Variants in CACNG7 observed in about 807,000 individuals in gnomAD.
The protein encoded by CACNG7 is voltage-dependent calcium channel gamma-7 subunit.
Under a neutral mutation model 26.3 loss-of-function variants are expected in CACNG7, and 9 were observed. The observed-to-expected ratio is 0.34, with a 90% CI of 0.21 to 0.60. CACNG7 has a LOEUF of 0.60. CACNG7 is among the 20% of genes least tolerant of loss of function. The pLI, the probability that CACNG7 is intolerant of heterozygous loss-of-function variation, is 0.81. For missense variants in CACNG7, 297 were observed against 380.4 expected (o/e 0.78, Z 1.82); for synonymous variants, 170 against 157.0 (o/e 1.08, Z -0.62).
At chr19:53,916,523 T>C (rs1464815126) in intron 4 of CACNG7, among the ~76,000 whole-genome samples, 1 of 147,012 alleles carries the variant, frequency 6.8e-6, no homozygotes, top group African/African-American at 2.5e-5. Context: ...AGTTTTGCTC[T>C]TGTTGCCCAG....
At chr19:53,914,273 C>CAAAAAAAAAAAAAAAAA in intron 2 of CACNG7, among the ~76,000 whole-genome samples, 1 of 107,288 alleles carries the variant, frequency 9.3e-6, no homozygotes, top group African/African-American at 4.5e-5. Flanking sequence ...GACTCCATCT[C>CAAAAAAAAAAAAAAAAA]AAAAAAAAAA....
chr19:53,915,655 A>T (rs1009795555), intron 4 of CACNG7, 150 bp downstream of exon 4: 2 of 897,446 alleles, frequency 2.2e-6, no homozygotes, highest in Non-Finnish European at 3.4e-6. Context: ...TGCAATGGAA[A>T]TAGCAGTGCC....
chr19:53,919,560 C>G lies in CACNG7; in HGVS notation c.424+4055C>G, dbSNP rs561324672. Among the ~76,000 whole-genome samples, 2 of 142,570 alleles carry G rather than the reference C, an allele frequency of 1.4e-5. 1 individual carries two copies. The highest frequency in any genetic ancestry group is 4.4e-4 in the South Asian group (2 of 4,512). 93.5% of individuals were successfully genotyped at this position (142,570 alleles called of 152,430 possible). On this transcript the variant is annotated intron_variant, in intron 4 of 5. Transcript: ENST00000391767. ...AGGTCTGGTCATTGGTGGAGTTGCC[C>G]CAGGCTGGTCATTGGTGGACTTGCC...
intron 4 of CACNG7, among the ~76,000 whole-genome samples, chr19:53,921,605 GT>G (rs780349012): frequency 2.0e-3 from 149 of 76,206 alleles, no homozygotes; most frequent in South Asian, 2.4e-3. Flanking sequence ...TGGTGGAGTC[GT>G]CCCCAGGTCT....
rs2068846781 is a variant in CACNG7 at position 53,909,282 on chromosome 19, G to C, written c.-265G>C. 6.7e-6 allele frequency: 1 copy of C among 150,228 alleles called. No homozygotes were observed. Among genetic ancestry groups the C allele is most frequent in the Admixed American group, 6.6e-5 (1 of 15,162 alleles). 9.3% of individuals were successfully genotyped at this position (150,228 alleles called of 1,614,324 possible). ...CCCGCCCCTCCCCTCCTCCGCAGTAGCCAATGAGCGGCCGCCGGTTCCTGC... is the reference window on the plus strand; with the variant it reads ...CCCGCCCCTCCCCTCCTCCGCAGTACCCAATGAGCGGCCGCCGGTTCCTGC... On this transcript the variant is annotated 5_prime_UTR_variant, in exon 1 of 6. Coordinates refer to ENST00000391767, the MANE Select transcript of CACNG7 (RefSeq NM_031896.5). The surrounding 1 kb of genome is among the most constrained non-coding windows in gnomAD (Gnocchi z 5.1).
At chr19:53,925,977 C>A (rs1256847112) in intron 4 of CACNG7, among the ~76,000 whole-genome samples, 1 of 152,130 alleles carries the variant, frequency 6.6e-6, no homozygotes. Flanking sequence ...CATGTGCATG[C>A]CTGTCCCACA....
chr19:53,941,651 A>ATGGAGAGAGGTCT, intron 5 of CACNG7, 36 bp downstream of exon 5: 2 of 1,597,134 alleles, frequency 1.3e-6, no homozygotes, highest in Non-Finnish European at 1.7e-6. Flanking sequence ...AGAGTTCTGA[A>ATGGAGAGAGGTCT]TGGAGAGAGG....
intron 4 of CACNG7, among the ~76,000 whole-genome samples, chr19:53,924,146 CCCCAGGTCTGGTCATTGGTGGAGTTGGT>C (rs2068998153): frequency 6.4e-5 from 9 of 141,416 alleles, no homozygotes; most frequent in Admixed American, 4.2e-4. Context: ...GGTGGACTTG[CCCCAGGTCTGGTCATTGGTGGAGTTGGT>C]CCCAGGTCTG....
intron 4 of CACNG7, among the ~76,000 whole-genome samples, chr19:53,930,401 C>T (rs1002187006): frequency 6.6e-6 from 1 of 152,062 alleles, no homozygotes; most frequent in Non-Finnish European, 1.5e-5. Context: ...GAGACGGAGT[C>T]TCACTCTTTT....
intron 4 of CACNG7, among the ~76,000 whole-genome samples, chr19:53,916,623 G>T (rs1408329503): frequency 7.3e-5 from 11 of 150,340 alleles, no homozygotes; most frequent in African/African-American, 2.7e-4. Flanking sequence ...CAAGTAGCTG[G>T]GATTACAGGC....
At position 53,920,838 on chromosome 19, in the gene CACNG7, GC is replaced by G. The variant is rs1478314158; in HGVS notation, c.424+5335del. On this transcript the variant is annotated intron_variant, in intron 4 of 5. Transcript: ENST00000391767. ...TGGTCATTGGTGGAGTTGTCCCCAG[GC>G]CTGGTATTGGTGGAGTTGCCCCAGG... 8.9e-5 allele frequency among the ~76,000 whole-genome samples: 7 copies of G among 78,808 alleles called. 2 individuals carry two copies. The highest frequency in any genetic ancestry group is 1.6e-4 in the Non-Finnish European group (7 of 43,954). 51.7% of individuals were successfully genotyped at this position (78,808 alleles called of 152,430 possible). A position where few individuals can be genotyped will look rare whatever the true frequency, so the allele number is the denominator to read the frequency against.
rs1484240015 is a variant in CACNG7, at chr19:53,915,443, G to A, written c.362G>A (p.Gly121Asp). ...VFTAFVISNI[G>D]HIRPQRTILA... The stretch of plus-strand genomic sequence containing the variant: ...ACGGCCTTCGTCATCAGCAACATCG[G>A]CCACATCCGCCCGCAGAGGACCATT... The change falls in exon 4 of 6, where the codon GGC (glycine) becomes GAC (aspartate). Residue 121 changes from glycine (G) to aspartate (D), a missense_variant. Coordinates refer to ENST00000391767, the MANE Select transcript of CACNG7 (RefSeq NM_031896.5). 4 of 1,614,092 alleles carry A rather than the reference G, an allele frequency of 2.5e-6. No homozygotes were observed. Among genetic ancestry groups the A allele is most frequent in the African/African-American group, 1.3e-5 (1 of 75,026 alleles).
At chr19:53,929,902 G>A (rs1037730748) in intron 4 of CACNG7, among the ~76,000 whole-genome samples, 2 of 152,170 alleles carry the variant, frequency 1.3e-5, no homozygotes, top group East Asian at 3.8e-4. Flanking sequence ...TGCATAGCAA[G>A]TATGTTCTTC....
intron 5 of CACNG7, among the ~76,000 whole-genome samples, chr19:53,941,822 A>C (rs1050826540): frequency 4.6e-5 from 7 of 151,546 alleles, no homozygotes; most frequent in Non-Finnish European, 7.4e-5. Context: ...AGGGGTCTGG[A>C]GACTGGGACT....
Position 53,941,511 on chromosome 19 carries a change from A to G in CACNG7, c.466A>G (p.Ile156Val), listed in dbSNP as rs1293094716. ...GGGCTTGGTTCTTTACATCTCCAGCATCAACGACGAGGTCATGAACAGGCC... is the reference window on the plus strand; with the variant it reads ...GGGCTTGGTTCTTTACATCTCCAGCGTCAACGACGAGGTCATGAACAGGCC... Reference protein sequence around the residue: ...VVGLVLYISSINDEVMNRPSS... With the variant: ...VVGLVLYISSVNDEVMNRPSS... Residue 156 changes from isoleucine to valine, a missense_variant, in exon 5 of 6, where the codon ATC (isoleucine) becomes GTC (valine). Ile to Val is a conservative substitution (Grantham distance 29, BLOSUM62 3). Transcript: ENST00000391767. The G allele has an allele frequency of 9.4e-6, 15 of 1,597,358 alleles. No individual in the cohort carries two copies. Among genetic ancestry groups the G allele is most frequent in the African/African-American group, 1.4e-5 (1 of 73,612 alleles).
At chr19:53,920,895 G>A (rs1420400973) in intron 4 of CACNG7, among the ~76,000 whole-genome samples, 4 of 117,176 alleles carry the variant, frequency 3.4e-5, no homozygotes, top group Non-Finnish European at 7.0e-5. Context: ...TCCCAGGTCT[G>A]GTCATTGGTG....
In CACNG7 at chr19:53,939,737, T is replaced by A. The variant is rs1248972546; in HGVS notation, c.425-1733T>A. On this transcript the variant is annotated intron_variant, in intron 4 of 5. Transcript: ENST00000391767. This position sits in a 1 kb window ranked among gnomAD's most constrained non-coding sequence, Gnocchi z 4.2. ...ATTACGCATAACGCTGTTACAAACA[T>A]CCGTGTATGCGTTTTTGTATGAACA... Among the ~76,000 whole-genome samples, 2 of 152,194 alleles carry A rather than the reference T, an allele frequency of 1.3e-5. No individual in the cohort carries two copies. Among genetic ancestry groups the A allele is most frequent in the South Asian group, 4.1e-4 (2 of 4,826 alleles).
intron 1 of CACNG7, among the ~76,000 whole-genome samples, chr19:53,911,699 G>A (rs986397996): frequency 2.6e-5 from 4 of 152,202 alleles, no homozygotes; most frequent in South Asian, 2.1e-4. Context: ...GCCCGTTTCC[G>A]AACCCACAGG....
rs74794421 is a variant in CACNG7, at chr19:53,917,837, A to G, written c.424+2332A>G. Among the ~76,000 whole-genome samples the G allele has an allele frequency of 7.2e-3, 1,089 of 152,302 alleles. 7 individuals carry two copies. The highest frequency in any genetic ancestry group is 0.014 in the South Asian group (68 of 4,830). On this transcript the variant is annotated intron_variant, in intron 4 of 5. Coordinates refer to ENST00000391767, the MANE Select transcript of CACNG7 (RefSeq NM_031896.5). ...AAACAGAGGCTCGAAGAGGCGACATAGCTTGTCAATGGCAGAACTGGATTG... is the reference window on the plus strand; with the variant it reads ...AAACAGAGGCTCGAAGAGGCGACATGGCTTGTCAATGGCAGAACTGGATTG...
Sources: gnomAD v4.1 joint callset for allele counts (sites outside exome capture counted in the v4.1 genomes callset) on GRCh38, gnomAD v4.1.1 for gene constraint, Gnocchi (gnomAD v3.1) non-coding constraint, MANE v1.5 for transcripts, NCBI Gene and HGNC (gene_info 2026-07-23, HGNC 2026-07-21) for gene names.